TENM3: variants seen among roughly 807,000 people sequenced by gnomAD.
TENM3 encodes teneurin transmembrane protein 3, also known as teneurin-3.
Under a neutral mutation model 255.1 loss-of-function variants are expected in TENM3, and 63 were observed. That is an observed-to-expected ratio of 0.25 (90% CI 0.20 to 0.30). The LOEUF is 0.30. Among genes scored for constraint, TENM3 ranks in the 10% least tolerant of loss-of-function variants. The pLI is 1.00. For missense variants in TENM3, 2,929 were observed against 3,461.1 expected, an observed-to-expected ratio of 0.85 and a Z score of 3.86; for synonymous variants, 1,306 against 1,322.3, an observed-to-expected ratio of 0.99 and a Z score of 0.27.
the TENM3 span, among the ~76,000 whole-genome samples, chr4:181,482,785 A>G: frequency 9.2e-5 from 14 of 152,234 alleles, no homozygotes; most frequent in East Asian, 3.9e-4. Context: ...ATATGTCTGC[A>G]TGATTTACCA....
At chr4:181,599,656 A>G in the TENM3 span, among the ~76,000 whole-genome samples, 3 of 152,216 alleles carry the variant, frequency 2.0e-5, no homozygotes, top group Non-Finnish European at 4.4e-5. Flanking sequence ...CTATCTGGGC[A>G]AGGTGTGGTA....
chr4:181,573,511 G>A, the TENM3 span, among the ~76,000 whole-genome samples: 1 of 152,084 alleles, frequency 6.6e-6, no homozygotes, highest in Admixed American at 6.6e-5. Context: ...TAATTATGTG[G>A]TAATAATGAT....
intron 1 of TENM3, among the ~76,000 whole-genome samples, chr4:182,177,966 T>TTG (rs1554026707): frequency 2.3e-4 from 34 of 146,672 alleles, no homozygotes; most frequent in Middle Eastern, 3.4e-3. Flanking sequence ...TTGTTTTTTT[T>TTG]TTTTTTTTTG....
Position 182,681,950 on chromosome 4 carries a change from G to T in TENM3, c.1971G>T (p.Thr657=). ...MCPDQCSGHG[T]YLQESGSCTC... ...CAGACCAGTGCTCCGGCCACGGAAC[G>T]TATCTTCAAGAAAGTGGCTCCTGCA... Residue 657 remains threonine (T), a synonymous_variant, in exon 11 of 28, where the codon ACG becomes ACT. Coordinates refer to ENST00000511685, the MANE Select transcript of TENM3 (RefSeq NM_001080477.4). 2 of 1,613,964 alleles carry T rather than the reference G, an allele frequency of 1.2e-6. No individual in the cohort carries two copies. The highest frequency in any genetic ancestry group is 1.7e-4 in the Middle Eastern group (1 of 6,060).
At chr4:182,300,026 G>A (rs542499371) in intron 1 of TENM3, among the ~76,000 whole-genome samples, 23 of 151,138 alleles carry the variant, frequency 1.5e-4, no homozygotes, top group African/African-American at 2.4e-4. Flanking sequence ...AGCGATTCTC[G>A]TGCCTCAGCC....
At chr4:182,025,786 C>A in the TENM3 span, among the ~76,000 whole-genome samples, 5 of 152,178 alleles carry the variant, frequency 3.3e-5, no homozygotes, top group South Asian at 1.0e-3. Context: ...TGAAGCTGAG[C>A]ACCTTTTCAT....
the TENM3 span, among the ~76,000 whole-genome samples, chr4:182,020,364 T>C: frequency 6.6e-6 from 1 of 151,396 alleles, no homozygotes; most frequent in Middle Eastern, 3.4e-3. Context: ...AGACTCTGTC[T>C]CAAAAAAAAA....
intron 16 of TENM3, among the ~76,000 whole-genome samples, chr4:182,731,501 C>A (rs1270230924): frequency 1.3e-5 from 2 of 151,884 alleles, no homozygotes; most frequent in Non-Finnish European, 2.9e-5. Context: ...CACAGTGAGA[C>A]CCTGTCTCAA....
the TENM3 span, among the ~76,000 whole-genome samples, chr4:181,981,304 T>G: frequency 6.6e-6 from 1 of 152,218 alleles, no homozygotes; most frequent in African/African-American, 2.4e-5. Context: ...ATCTAATCCA[T>G]GCATATTTTG....
At chr4:182,237,106 GT>G (rs1287164891) in intron 1 of TENM3, among the ~76,000 whole-genome samples, 21 of 152,108 alleles carry the variant, frequency 1.4e-4, no homozygotes, top group African/African-American at 5.1e-4. Context: ...GCAGTGTTTG[GT>G]TTTTTGTTCC....
chr4:181,939,448 C>T, the TENM3 span, among the ~76,000 whole-genome samples: 2 of 152,160 alleles, frequency 1.3e-5, no homozygotes, highest in Admixed American at 6.5e-5. Context: ...AAATAAGAAC[C>T]GCAGAGAAAG....
the TENM3 span, among the ~76,000 whole-genome samples, chr4:181,474,323 T>C: frequency 6.6e-6 from 1 of 151,884 alleles, no homozygotes; most frequent in African/African-American, 2.4e-5. Context: ...TGATAAAAAA[T>C]TTTTTTTAAA....
At chr4:182,297,370 T>C (rs1761561956) in intron 1 of TENM3, among the ~76,000 whole-genome samples, 1 of 152,226 alleles carries the variant, frequency 6.6e-6, no homozygotes. Flanking sequence ...ATTATTCAGA[T>C]AATATGGATA....
At chr4:181,957,044 TG>T in the TENM3 span, among the ~76,000 whole-genome samples, 5 of 152,208 alleles carry the variant, frequency 3.3e-5, no homozygotes. Context: ...TGACCATTTT[TG>T]CTTGTTGATT....
At chr4:181,885,068 C>T in the TENM3 span, among the ~76,000 whole-genome samples, 1 of 152,054 alleles carries the variant, frequency 6.6e-6, no homozygotes, top group South Asian at 2.1e-4. Flanking sequence ...CTTCATTGAT[C>T]AATATAACTA....
At chr4:181,645,177 A>T in the TENM3 span, among the ~76,000 whole-genome samples, 1 of 152,354 alleles carries the variant, frequency 6.6e-6, no homozygotes, top group Admixed American at 6.5e-5. Flanking sequence ...TCCTTGAATC[A>T]AAAATCTCCA....
At chr4:182,075,644 A>G in the TENM3 span, among the ~76,000 whole-genome samples, 1 of 152,316 alleles carries the variant, frequency 6.6e-6, no homozygotes. Context: ...AATCCATATC[A>G]TCAGACTCAG....
the TENM3 span, among the ~76,000 whole-genome samples, chr4:181,804,372 A>AT: frequency 6.6e-6 from 1 of 152,248 alleles, no homozygotes; most frequent in Non-Finnish European, 1.5e-5. Flanking sequence ...ATGTTTGCAG[A>AT]TAAAATATAA....
At chr4:181,676,169 C>T in the TENM3 span, among the ~76,000 whole-genome samples, 3 of 152,050 alleles carry the variant, frequency 2.0e-5, no homozygotes, top group African/African-American at 7.2e-5. Flanking sequence ...TTAAATTGGA[C>T]TTACAATTCT....
Sources: gnomAD v4.1 joint callset for allele counts (sites outside exome capture counted in the v4.1 genomes callset) on GRCh38, gnomAD v4.1.1 for gene constraint, MANE v1.5 for transcripts, NCBI Gene and HGNC (gene_info 2026-07-23, HGNC 2026-07-21) for gene names.